The following EXOC4 variants were observed in gnomAD, a reference collection of about 807,000 sequenced individuals.
EXOC4 encodes the protein exocyst complex component 4, also known as SEC8-like 1.
A neutral mutation model predicts 107.2 loss-of-function variants in EXOC4; 71 were observed. The observed-to-expected ratio is 0.66, with a 90% confidence interval of 0.55 to 0.81. The LOEUF is 0.81. EXOC4 is among the 30% of genes least tolerant of loss of function. EXOC4 has a pLI of 0.00. For synonymous variants in EXOC4, 456 were observed against 441.2 expected (o/e 1.03, Z -0.42); for missense variants, 1,108 against 1,189.6 (o/e 0.93, Z 1.01).
At chr7:133,561,824 G>A (rs1335991046) in intron 9 of EXOC4, among the ~76,000 whole-genome samples, 2 of 152,224 alleles carry the variant, frequency 1.3e-5, no homozygotes, top group East Asian at 3.9e-4. Context: ...CCCCAAGATG[G>A]AATGGTGTCC....
intron 10 of EXOC4, among the ~76,000 whole-genome samples, chr7:133,762,838 A>G (rs1288672830): frequency 6.6e-6 from 1 of 152,164 alleles, no homozygotes; most frequent in Non-Finnish European, 1.5e-5. Context: ...AAACATAGAA[A>G]AGAACAAGAA....
At chr7:133,315,476 T>C (rs1794971035) in intron 4 of EXOC4, 1 of 152,162 alleles carries the variant, frequency 6.6e-6, no homozygotes, top group Non-Finnish European at 1.5e-5. Flanking sequence ...ATCCAGGGCC[T>C]AGGGGGACCT....
At position 133,504,024 on chromosome 7, in the gene EXOC4, T is replaced by TACAC. The variant is rs754254932; in HGVS notation, c.1417+23897_1417+23900dup. Among the ~76,000 whole-genome samples the TACAC allele has an allele frequency of 1.2e-3, 184 of 151,688 alleles. 1 individual carries two copies. The highest frequency in any genetic ancestry group is 4.3e-3 in the African/African-American group (176 of 41,392). ...ATATATGTATACATACACACACGTATACACACACACACACTCACAAATACG... is the reference window on the plus strand; with the variant it reads ...ATATATGTATACATACACACACGTATACACACACACACACACACTCACAAATACG... On this transcript the variant is annotated intron_variant, in intron 9 of 17. Coordinates refer to ENST00000253861, the MANE Select transcript of EXOC4 (RefSeq NM_021807.4).
chr7:134,028,457 C>A (rs1209814362), intron 17 of EXOC4, among the ~76,000 whole-genome samples: 1 of 152,124 alleles, frequency 6.6e-6, no homozygotes, highest in Non-Finnish European at 1.5e-5. Flanking sequence ...TAAGTCGAAA[C>A]AAAATATAAG....
At chr7:133,557,852 A>G (rs1800724085) in intron 9 of EXOC4, among the ~76,000 whole-genome samples, 1 of 152,150 alleles carries the variant, frequency 6.6e-6, no homozygotes, top group African/African-American at 2.4e-5. Flanking sequence ...TTGGCCAGGC[A>G]TGATGGCAGG....
At chr7:133,989,242 GGATAGA>G in intron 14 of EXOC4, among the ~76,000 whole-genome samples, 1 of 152,278 alleles carries the variant, frequency 6.6e-6, no homozygotes, top group Non-Finnish European at 1.5e-5. Flanking sequence ...AGAGAATTCA[GGATAGA>G]GAACAGATGC....
intron 11 of EXOC4, among the ~76,000 whole-genome samples, chr7:133,887,203 A>T (rs963117666): frequency 2.6e-5 from 4 of 152,208 alleles, no homozygotes; most frequent in African/African-American, 9.7e-5. Flanking sequence ...GTCAGCTGAA[A>T]GCTCTGCAAT....
chr7:133,819,752 G>GA (rs147297638), intron 11 of EXOC4, among the ~76,000 whole-genome samples: 1 of 151,338 alleles, frequency 6.6e-6, no homozygotes, highest in South Asian at 2.1e-4. Context: ...AATTTAAAAG[G>GA]AAAAAAAAGG....
At chr7:133,984,212 C>T (rs1029592454) in intron 14 of EXOC4, among the ~76,000 whole-genome samples, 1 of 152,220 alleles carries the variant, frequency 6.6e-6, no homozygotes, top group African/African-American at 2.4e-5. Flanking sequence ...TTTCTCTCTG[C>T]AGAGCTGTGC....
intron 11 of EXOC4, among the ~76,000 whole-genome samples, chr7:133,869,183 G>C (rs943896563): frequency 6.6e-6 from 1 of 151,978 alleles, no homozygotes; most frequent in Non-Finnish European, 1.5e-5. Flanking sequence ...GAATTCCTGT[G>C]TATGCATCTT....
At chr7:133,806,504 A>G (rs1373217168) in intron 10 of EXOC4, among the ~76,000 whole-genome samples, 1 of 152,208 alleles carries the variant, frequency 6.6e-6, no homozygotes, top group African/African-American at 2.4e-5. Context: ...TCAGTCTTTG[A>G]TATATTCAAA....
intron 13 of EXOC4, among the ~76,000 whole-genome samples, chr7:133,918,484 C>G (rs538105763): frequency 9.1e-4 from 139 of 152,298 alleles, no homozygotes; most frequent in African/African-American, 3.1e-3. Flanking sequence ...GTTCTCCAGT[C>G]CATAGAACTG....
intron 9 of EXOC4, among the ~76,000 whole-genome samples, chr7:133,540,538 C>T (rs1448969273): frequency 6.6e-6 from 1 of 152,138 alleles, no homozygotes; most frequent in Non-Finnish European, 1.5e-5. Flanking sequence ...GCTAAGTTGC[C>T]TTTTTATTCA....
At chr7:133,526,393 T>C (rs77060875) in intron 9 of EXOC4, among the ~76,000 whole-genome samples, 6,213 of 152,284 alleles carry the variant, frequency 0.041, 443 homozygotes, top group African/African-American at 0.14. Context: ...AATACACCAG[T>C]TATTCACTGG....
chr7:133,664,435 C>T (rs900360140), intron 10 of EXOC4, among the ~76,000 whole-genome samples: 4 of 152,024 alleles, frequency 2.6e-5, no homozygotes, highest in African/African-American at 7.2e-5. Context: ...TGTTGGTCTG[C>T]GAGTACGATT....
chr7:133,968,718 T>A (rs1027277647), intron 14 of EXOC4, among the ~76,000 whole-genome samples: 13 of 152,186 alleles, frequency 8.5e-5, no homozygotes, highest in Non-Finnish European at 1.3e-4. Flanking sequence ...CCACTGTTAA[T>A]CTGATGGGCT....
At chr7:133,454,979 G>C (rs1048884572) in intron 7 of EXOC4, among the ~76,000 whole-genome samples, 1 of 152,080 alleles carries the variant, frequency 6.6e-6, no homozygotes, top group Non-Finnish European at 1.5e-5. Context: ...ACAGCTACTT[G>C]GGAGGCTGAG....
intron 10 of EXOC4, among the ~76,000 whole-genome samples, chr7:133,791,942 G>A (rs1213390707): frequency 6.6e-6 from 1 of 152,160 alleles, no homozygotes; most frequent in Non-Finnish European, 1.5e-5. Flanking sequence ...AAAGGGTGTG[G>A]AAACATCATT....
At chr7:133,993,452 G>C (rs943722494) in intron 14 of EXOC4, among the ~76,000 whole-genome samples, 1 of 152,140 alleles carries the variant, frequency 6.6e-6, no homozygotes, top group Non-Finnish European at 1.5e-5. Flanking sequence ...AAAATGAAGG[G>C]ATTACAGCAT....
Sources: allele counts gnomAD v4.1 joint callset (sites outside exome capture counted in the v4.1 genomes callset), GRCh38; gene constraint gnomAD v4.1.1; transcripts MANE v1.5; gene names NCBI Gene and HGNC (gene_info 2026-07-23, HGNC 2026-07-21).